The following CALN1 variants were observed in gnomAD, a reference collection of about 807,000 sequenced individuals.
The protein encoded by CALN1 is calneuron 1, also known as calcium-binding protein 8.
In CALN1, 17 loss-of-function variants were observed where a neutral mutation model predicts 30.6. The observed-to-expected ratio is 0.56, with a 90% confidence interval of 0.38 to 0.83. The LOEUF is 0.83. Ranked by LOEUF, CALN1 falls within the 40% of genes least tolerant of loss-of-function variation. CALN1 has a pLI of 0.00. For synonymous variants in CALN1, 156 were observed against 131.4 expected (o/e 1.19, Z -1.28); for missense variants, 291 against 354.9 (o/e 0.82, Z 1.45).
At chr7:72,162,054 G>A (rs1788150733) in intron 3 of CALN1, among the ~76,000 whole-genome samples, 1 of 151,048 alleles carries the variant, frequency 6.6e-6, no homozygotes, top group African/African-American at 2.4e-5. Context: ...GTTCCTTCTA[G>A]AAGTTTTCAA....
intron 4 of CALN1, among the ~76,000 whole-genome samples, chr7:72,105,852 G>T (rs1198776954): frequency 1.9e-5 from 2 of 106,130 alleles, no homozygotes; most frequent in African/African-American, 7.2e-5. Flanking sequence ...GATGAGGGAG[G>T]GGGAAGAGGG....
At chr7:72,207,988 A>T (rs991497102) in intron 3 of CALN1, among the ~76,000 whole-genome samples, 10 of 152,200 alleles carry the variant, frequency 6.6e-5, no homozygotes, top group Non-Finnish European at 1.2e-4. Context: ...TAAAGGCAGT[A>T]TTTTCTTATC....
intron 3 of CALN1, among the ~76,000 whole-genome samples, chr7:72,114,700 A>G (rs1807840185): frequency 6.6e-6 from 1 of 152,188 alleles, no homozygotes; most frequent in African/African-American, 2.4e-5. Flanking sequence ...TGTGCTAGAA[A>G]AAGGAGGCTG....
At chr7:72,103,773 G>A (rs1806876174) in intron 4 of CALN1, among the ~76,000 whole-genome samples, 2 of 152,046 alleles carry the variant, frequency 1.3e-5, no homozygotes, top group African/African-American at 4.8e-5. Context: ...GGGGGGGGAA[G>A]GAGGCTGAGA....
chr7:72,363,724 C>CTT lies in CALN1; in HGVS notation c.119+39525_119+39526dup, dbSNP rs66989275. On this transcript the variant is annotated intron_variant, in intron 2 of 6. Transcript: ENST00000395275. ...ACTTGCAACATATGGTTAAAAAAAA[C>CTT]TTTTTTTTTTTTTTTTTTTTGAGAG... 8.4e-3 allele frequency among the ~76,000 whole-genome samples: 935 copies of CTT among 111,816 alleles called. 12 individuals carry two copies. The highest frequency in any genetic ancestry group is 0.011 in the Non-Finnish European group (627 of 56,860). The allele number at this position is 111,816 out of a possible 152,430, so 73.4% of individuals were successfully genotyped here.
chr7:72,469,730 T>C, the CALN1 span, among the ~76,000 whole-genome samples: 2 of 152,176 alleles, frequency 1.3e-5, no homozygotes, highest in Non-Finnish European at 2.9e-5. Context: ...TTCTATCCCA[T>C]TGATAAAACT....
intron 5 of CALN1, among the ~76,000 whole-genome samples, chr7:71,822,110 A>C (rs376268418): frequency 1.3e-5 from 2 of 151,986 alleles, no homozygotes; most frequent in Non-Finnish European, 2.9e-5. Flanking sequence ...TATTTTAGAG[A>C]TATGTCTCTT....
chr7:71,866,604 G>C (rs1040492321), intron 5 of CALN1, among the ~76,000 whole-genome samples: 1 of 152,046 alleles, frequency 6.6e-6, no homozygotes, highest in Non-Finnish European at 1.5e-5. Context: ...GCTAATAATG[G>C]AATGAACTGA....
rs55977265 is a variant in CALN1 at position 71,837,243 on chromosome 7, C to CAAAAAAAAAAAAA, written c.502-26764_502-26752dup. Among the ~76,000 whole-genome samples the CAAAAAAAAAAAAA allele has an allele frequency of 7.4e-3, 586 of 78,834 alleles. 5 individuals are homozygous for CAAAAAAAAAAAAA. Among genetic ancestry groups the CAAAAAAAAAAAAA allele is most frequent in the Middle Eastern group, 0.021 (2 of 96 alleles). 51.7% of individuals were successfully genotyped at this position (78,834 alleles called of 152,430 possible). A position where few individuals can be genotyped will look rare whatever the true frequency, so the allele number is the denominator to read the frequency against. On this transcript the variant is annotated intron_variant, in intron 5 of 6. Coordinates refer to ENST00000395275, the MANE Select transcript of CALN1 (RefSeq NM_031468.4). ...CGAAACTCCATCTCAAAAAAAAAGA[C>CAAAAAAAAAAAAA]AAAAAAAAAAAAAAAAAAAAAAGCC...
intron 3 of CALN1, among the ~76,000 whole-genome samples, chr7:72,126,489 A>T (rs1380475517): frequency 6.6e-6 from 1 of 152,084 alleles, no homozygotes; most frequent in Non-Finnish European, 1.5e-5. Flanking sequence ...TTGGGTAGGT[A>T]CTTCTTTTCC....
intron 6 of CALN1, among the ~76,000 whole-genome samples, chr7:71,795,329 C>G (rs934938614): frequency 2.0e-5 from 3 of 152,056 alleles, no homozygotes; most frequent in African/African-American, 4.8e-5. Context: ...CGGCCATCTT[C>G]CCTCTTTTTC....
chr7:72,303,454 G>A (rs1217381630), intron 2 of CALN1, among the ~76,000 whole-genome samples: 1 of 152,034 alleles, frequency 6.6e-6, no homozygotes, highest in Non-Finnish European at 1.5e-5. Context: ...CTACTTGGGA[G>A]GCTGAGACAG....
At chr7:72,301,820 G>A (rs1404778591) in intron 2 of CALN1, among the ~76,000 whole-genome samples, 1 of 152,106 alleles carries the variant, frequency 6.6e-6, no homozygotes, top group Admixed American at 6.5e-5. Context: ...AGAGAGAAAG[G>A]CTGCTACTAA....
intron 3 of CALN1, among the ~76,000 whole-genome samples, chr7:72,110,656 C>T (rs1204302537): frequency 7.2e-6 from 1 of 139,766 alleles, no homozygotes; most frequent in Non-Finnish European, 1.5e-5. Context: ...ACCTCACTAA[C>T]TTTTTTTTTT....
At chr7:72,290,547 AAC>A (rs1305185443) in intron 2 of CALN1, among the ~76,000 whole-genome samples, 2 of 152,288 alleles carry the variant, frequency 1.3e-5, no homozygotes, top group African/African-American at 4.8e-5. Flanking sequence ...TCAACCCTTG[AAC>A]AGTTATGCAA....
chr7:72,451,403 A>AGG (rs1208369831), upstream of CALN1, among the ~76,000 whole-genome samples: 1 of 88,096 alleles, frequency 1.1e-5, no homozygotes, highest in Non-Finnish European at 2.2e-5. Context: ...GAGTGGGGGA[A>AGG]GGGGGAGTAG....
chr7:71,938,212 G>C (rs1795946917), intron 5 of CALN1, among the ~76,000 whole-genome samples: 1 of 152,156 alleles, frequency 6.6e-6, no homozygotes, highest in Non-Finnish European at 1.5e-5. Context: ...ACACATAGCT[G>C]TGCCTACCCT....
intron 5 of CALN1, among the ~76,000 whole-genome samples, chr7:72,010,956 C>A (rs1270503641): frequency 6.6e-6 from 1 of 151,720 alleles, no homozygotes; most frequent in South Asian, 2.1e-4. Flanking sequence ...AGATCAAGAC[C>A]ATCCTGGCCA....
chr7:72,273,526 C>G (rs978313928), intron 3 of CALN1, among the ~76,000 whole-genome samples: 2 of 142,802 alleles, frequency 1.4e-5, no homozygotes, highest in African/African-American at 5.3e-5. Flanking sequence ...TTTTTCTTCC[C>G]CCTAGAGACA....
Sources: allele counts gnomAD v4.1 joint callset (sites outside exome capture counted in the v4.1 genomes callset), GRCh38; gene constraint gnomAD v4.1.1; transcripts MANE v1.5; gene names NCBI Gene and HGNC (gene_info 2026-07-23, HGNC 2026-07-21).